ROBO1: variants seen among roughly 807,000 people sequenced by gnomAD.
ROBO1 encodes roundabout guidance receptor 1, also known as roundabout homolog 1.
In ROBO1, 149 loss-of-function variants were observed where a neutral mutation model predicts 195.9. That is an observed-to-expected ratio of 0.76 (90% CI 0.67 to 0.87). The LOEUF (loss-of-function observed/expected upper bound fraction) is 0.87, where lower values mean the gene tolerates loss of function less well. ROBO1 is among the 40% of genes least tolerant of loss of function. ROBO1 has a pLI of 0.00. For synonymous variants in ROBO1, 816 were observed against 733.2 expected (o/e 1.11, Z -1.82); for missense variants, 1,933 against 2,068.3 (o/e 0.93, Z 1.27).
chr3:78,639,148 A>AAAAAAC (rs1705755551), intron 22 of ROBO1, among the ~76,000 whole-genome samples: 1 of 151,998 alleles, frequency 6.6e-6, no homozygotes, highest in Non-Finnish European at 1.5e-5. Context: ...TCTTGTCAAA[A>AAAAAAC]AAATAAAAAA....
chr3:79,004,597 T>A (rs2077579031), intron 3 of ROBO1, among the ~76,000 whole-genome samples: 1 of 152,046 alleles, frequency 6.6e-6, no homozygotes, highest in Non-Finnish European at 1.5e-5. Context: ...TACCGGAAGA[T>A]GAGACACCTG....
chr3:79,577,480 T>C (rs1193811885), intron 2 of ROBO1, among the ~76,000 whole-genome samples: 1 of 152,140 alleles, frequency 6.6e-6, no homozygotes, highest in Non-Finnish European at 1.5e-5. Context: ...AAAAAACTTC[T>C]GCCCTGCAAA....
intron 2 of ROBO1, among the ~76,000 whole-genome samples, chr3:79,261,829 A>T (rs2082943138): frequency 6.6e-6 from 1 of 152,092 alleles, no homozygotes; most frequent in Admixed American, 6.6e-5. Context: ...TGGATAAAGA[A>T]ATATACTTCT....
Position 79,291,175 on chromosome 3 carries a change from AG to A in ROBO1, c.89-165637del, listed in dbSNP as rs202106105. The stretch of plus-strand genomic sequence containing the variant: ...CAAATCTCCATTCTCCCAACCACTT[AG>A]ACTCAAAATTTGATTTAATCACAAC... On this transcript the variant is annotated intron_variant, in intron 2 of 30. Transcript: ENST00000464233. Among the ~76,000 whole-genome samples, 1,189 of 152,266 alleles carry A rather than the reference AG, an allele frequency of 7.8e-3. 15 individuals carry two copies. The highest frequency in any genetic ancestry group is 0.025 in the African/African-American group (1,056 of 41,564).
chr3:79,407,978 T>G (rs191280544), intron 2 of ROBO1, among the ~76,000 whole-genome samples: 15 of 152,228 alleles, frequency 9.9e-5, no homozygotes, highest in East Asian at 9.7e-4. Flanking sequence ...TAAATAAATC[T>G]AAAGGTTCAA....
chr3:79,299,846 T>TAA lies in ROBO1; in HGVS notation c.89-174309_89-174308dup, dbSNP rs201006013. Among the ~76,000 whole-genome samples the TAA allele has an allele frequency of 4.4e-4, 58 of 131,830 alleles. No individual in the cohort carries two copies. The East Asian group carries it at 4.5e-3, about 10-fold the overall frequency. 86.5% of individuals were successfully genotyped at this position (131,830 alleles called of 152,430 possible). ...TTTTAAATATCAACTCAAGAAACAC[T>TAA]AAAAAAAAAAAAAATTGGCTCCAGA... On this transcript the variant is annotated intron_variant, in intron 2 of 30. Transcript: ENST00000464233.
intron 2 of ROBO1, among the ~76,000 whole-genome samples, chr3:79,379,847 C>A (rs2036511621): frequency 6.6e-6 from 1 of 152,176 alleles, no homozygotes; most frequent in Non-Finnish European, 1.5e-5. Flanking sequence ...ATTGCAGACA[C>A]ACTGAGACCA....
At chr3:79,221,273 C>A (rs1277115311) in intron 2 of ROBO1, among the ~76,000 whole-genome samples, 1 of 152,034 alleles carries the variant, frequency 6.6e-6, no homozygotes, top group Admixed American at 6.6e-5. Context: ...CATTTTATAT[C>A]ATCCCCATAA....
chr3:79,161,223 C>T (rs1282711694), intron 2 of ROBO1, among the ~76,000 whole-genome samples: 4 of 152,062 alleles, frequency 2.6e-5, no homozygotes, highest in Admixed American at 6.6e-5. Context: ...CCAAGTCAAG[C>T]TGACATAAAT....
chr3:78,742,788 A>G (rs1033082996), intron 5 of ROBO1, among the ~76,000 whole-genome samples: 1 of 152,198 alleles, frequency 6.6e-6, no homozygotes, highest in Non-Finnish European at 1.5e-5. Flanking sequence ...AGGTTTTTAC[A>G]ACTTTAAACT....
chr3:78,624,282 A>T (rs1704625173), intron 26 of ROBO1, among the ~76,000 whole-genome samples: 1 of 152,114 alleles, frequency 6.6e-6, no homozygotes, highest in Admixed American at 6.6e-5. Flanking sequence ...CATTTTGTTT[A>T]TATGTATTTT....
Position 78,688,704 on chromosome 3 carries a change from A to G in ROBO1, c.1114T>C (p.Cys372Arg). 1 of 1,609,164 alleles carries G rather than the reference A, an allele frequency of 6.2e-7. No homozygotes were observed. The highest frequency in any genetic ancestry group is 2.2e-5 in the East Asian group (1 of 44,774). Residue 372 changes from cysteine to arginine, a missense_variant, in exon 9 of 31, where the codon TGT becomes CGT. Physicochemically the swap from Cys to Arg is radical, Grantham distance 180. Transcript: ENST00000464233. ...VALGRTVTFQCEATGNPQPAI... is the reference protein window; with the variant it reads ...VALGRTVTFQREATGNPQPAI... ...GGTTGAGGATTTCCGGTTGCTTCAC[A>G]CTGAAAAGTTACAGTCCGTCCCAAA...
intron 2 of ROBO1, among the ~76,000 whole-genome samples, chr3:79,560,640 A>T (rs1232418122): frequency 6.6e-6 from 1 of 150,380 alleles, no homozygotes. Flanking sequence ...TCCGAGACCT[A>T]GTGGCCCCCT....
At chr3:78,662,525 G>T (rs984045374) in intron 14 of ROBO1, among the ~76,000 whole-genome samples, 17 of 152,130 alleles carry the variant, frequency 1.1e-4, no homozygotes, top group African/African-American at 4.1e-4. Flanking sequence ...TGAAATTGTA[G>T]CAGAGTGGCT....
intron 3 of ROBO1, among the ~76,000 whole-genome samples, chr3:78,950,577 G>T (rs1006625648): frequency 6.6e-6 from 1 of 150,800 alleles, no homozygotes; most frequent in African/African-American, 2.4e-5. Flanking sequence ...ACGAGTTAAT[G>T]GGTGCAGCAC....
chr3:79,040,684 C>A (rs112318893), intron 3 of ROBO1, among the ~76,000 whole-genome samples: 5 of 152,036 alleles, frequency 3.3e-5, no homozygotes, highest in Admixed American at 6.6e-5. Context: ...ACTCTATACC[C>A]CTTGTTGTAG....
intron 4 of ROBO1, among the ~76,000 whole-genome samples, chr3:78,905,766 G>A (rs1246936532): frequency 6.6e-6 from 1 of 152,064 alleles, no homozygotes; most frequent in East Asian, 1.9e-4. Flanking sequence ...ATACTTAAAT[G>A]TGCTTTAATA....
intron 8 of ROBO1, among the ~76,000 whole-genome samples, chr3:78,702,276 T>TA (rs1393231492): frequency 1.3e-5 from 2 of 152,152 alleles, no homozygotes; most frequent in African/African-American, 2.4e-5. Context: ...AAGCAAATAA[T>TA]AAAAAATATC....
rs558308920 is a variant in ROBO1 at position 79,697,314 on chromosome 3, C to T, written c.-51+70438G>A. On this transcript the variant is annotated intron_variant, in intron 1 of 30. Transcript: ENST00000464233. ...TGGTTAGATGTAATAATCTATTCTG[C>T]AGCATAACAATGTTAATTCAAGAAT... Among the ~76,000 whole-genome samples the T allele has an allele frequency of 1.4e-4, 21 of 151,336 alleles. No individual in the cohort carries two copies. In the South Asian group the frequency reaches 4.0e-3, roughly 28 times the overall value.
Sources: gnomAD v4.1 joint callset for allele counts (sites outside exome capture counted in the v4.1 genomes callset) on GRCh38, gnomAD v4.1.1 for gene constraint, MANE v1.5 for transcripts, NCBI Gene and HGNC (gene_info 2026-07-23, HGNC 2026-07-21) for gene names.